Variants in RBFOX1 observed in about 807,000 individuals in gnomAD.
RBFOX1 encodes RNA binding fox-1 homolog 1, also known as RNA binding protein fox-1 homolog 1.
A neutral mutation model predicts 57.7 loss-of-function variants in RBFOX1; 8 were observed. The observed-to-expected ratio is 0.14, with a 90% CI of 0.08 to 0.25. The LOEUF (loss-of-function observed/expected upper bound fraction) is 0.25. Ranked by LOEUF, RBFOX1 falls within the 10% of genes least tolerant of loss-of-function variation. RBFOX1 has a pLI of 1.00. For missense variants in RBFOX1, 611 were observed against 548.5 expected (o/e 1.11, Z -1.14); for synonymous variants, 326 against 222.4 (o/e 1.47, Z -4.15).
At chr16:6,354,022 C>T (rs115108117) in intron 2 of RBFOX1, among the ~76,000 whole-genome samples, 2 of 152,108 alleles carry the variant, frequency 1.3e-5, no homozygotes, top group African/African-American at 4.8e-5. Flanking sequence ...GAGTTGAAGA[C>T]CAGCCTCACC....
chr16:5,370,121 C>G (rs899831075), intron 1 of RBFOX1, among the ~76,000 whole-genome samples: 2 of 152,152 alleles, frequency 1.3e-5, no homozygotes, highest in Admixed American at 6.5e-5. Flanking sequence ...GAAATACCTG[C>G]TCTTGTGCAT....
At chr16:7,451,146 A>T (rs1032000713) in intron 4 of RBFOX1, among the ~76,000 whole-genome samples, 4 of 152,138 alleles carry the variant, frequency 2.6e-5, no homozygotes, top group African/African-American at 9.7e-5. Context: ...GAAAACATCC[A>T]GCTTTCTGGG....
At chr16:7,449,625 C>A (rs1422999115) in intron 4 of RBFOX1, among the ~76,000 whole-genome samples, 1 of 151,184 alleles carries the variant, frequency 6.6e-6, no homozygotes, top group African/African-American at 2.4e-5. Flanking sequence ...CCTGCACATC[C>A]CCAGTGCCTG....
chr16:7,001,416 A>G (rs201455813), intron 3 of RBFOX1, among the ~76,000 whole-genome samples: 94 of 139,592 alleles, frequency 6.7e-4, no homozygotes, highest in Admixed American at 9.6e-4. Flanking sequence ...GTATATGTAT[A>G]TGTATATGTA....
At chr16:6,359,589 T>C (rs1369324577) in intron 2 of RBFOX1, among the ~76,000 whole-genome samples, 1 of 152,180 alleles carries the variant, frequency 6.6e-6, no homozygotes, top group East Asian at 1.9e-4. Context: ...CACTGGTGTA[T>C]GGATACAGGA....
At chr16:5,687,563 C>G (rs1464530431) in intron 3 of RBFOX1, among the ~76,000 whole-genome samples, 1 of 152,156 alleles carries the variant, frequency 6.6e-6, no homozygotes, top group Non-Finnish European at 1.5e-5. Context: ...TAAATAGTAT[C>G]TTAAAGTTTC....
chr16:5,821,829 A>G (rs747084780), intron 3 of RBFOX1, among the ~76,000 whole-genome samples: 4 of 152,264 alleles, frequency 2.6e-5, no homozygotes, highest in South Asian at 2.1e-4. Flanking sequence ...GCATCCTCAC[A>G]TGGTGAAAGG....
chr16:5,534,139 A>C (rs540520163), intron 2 of RBFOX1, among the ~76,000 whole-genome samples: 8 of 152,228 alleles, frequency 5.3e-5, no homozygotes, highest in African/African-American at 1.9e-4. Context: ...CACTGAGCCT[A>C]GTCAGGTGCC....
chr16:7,140,690 G>C (rs922472), intron 4 of RBFOX1, among the ~76,000 whole-genome samples: 36,058 of 152,080 alleles, frequency 0.24, 5,402 homozygotes, highest in East Asian at 0.42. Context: ...GAACCTCTCA[G>C]AGTGATATCC....
intron 3 of RBFOX1, among the ~76,000 whole-genome samples, chr16:5,632,250 T>C (rs911086169): frequency 1.3e-4 from 20 of 152,242 alleles, no homozygotes; most frequent in Non-Finnish European, 2.4e-4. Flanking sequence ...AGCCACAGTC[T>C]GATGAACGAG....
chr16:7,510,444 G>T, intron 4 of RBFOX1: 1 of 733,062 alleles, frequency 1.4e-6, no homozygotes, highest in Non-Finnish European at 1.7e-6. Flanking sequence ...CCCGGGGAAA[G>T]GAGAGGAGTT....
chr16:5,305,268 A>G (rs1288351017), intron 1 of RBFOX1, among the ~76,000 whole-genome samples: 4 of 152,164 alleles, frequency 2.6e-5, no homozygotes, highest in East Asian at 1.9e-4. Context: ...AAGAGAGGTC[A>G]AGTGTTCCTA....
At chr16:5,950,568 T>C (rs771410671) in intron 4 of RBFOX1, among the ~76,000 whole-genome samples, 2 of 152,226 alleles carry the variant, frequency 1.3e-5, no homozygotes, top group African/African-American at 2.4e-5. Flanking sequence ...TTATTTAATG[T>C]GTTACAATCA....
intron 1 of RBFOX1, among the ~76,000 whole-genome samples, chr16:5,413,490 C>T (rs1023136560): frequency 6.6e-6 from 1 of 152,162 alleles, no homozygotes; most frequent in Non-Finnish European, 1.5e-5. Flanking sequence ...CAGTAGCCAC[C>T]ACTCCCGTGT....
chr16:7,645,576 C>T (rs534418116), intron 11 of RBFOX1, among the ~76,000 whole-genome samples: 1 of 152,292 alleles, frequency 6.6e-6, no homozygotes, highest in South Asian at 2.1e-4. Flanking sequence ...ATTTATAGGA[C>T]ATTGCGTTTC....
chr16:6,805,339 T>C (rs544446180), intron 3 of RBFOX1, among the ~76,000 whole-genome samples: 1 of 152,304 alleles, frequency 6.6e-6, no homozygotes, highest in South Asian at 2.1e-4. Flanking sequence ...ATTCAGTGAT[T>C]TGAACACATG....
At chr16:5,953,958 C>A (rs1486783504) in intron 4 of RBFOX1, among the ~76,000 whole-genome samples, 1 of 152,048 alleles carries the variant, frequency 6.6e-6, no homozygotes, top group Non-Finnish European at 1.5e-5. Context: ...ACCGTGGTAC[C>A]CATACCCCCA....
intron 3 of RBFOX1, among the ~76,000 whole-genome samples, chr16:6,937,074 C>G (rs374009634): frequency 2.6e-5 from 4 of 151,570 alleles, no homozygotes; most frequent in East Asian, 1.9e-4. Context: ...CACATGTACC[C>G]TAAAACTTAA....
chr16:6,854,053 G>C (rs979596810), intron 3 of RBFOX1, among the ~76,000 whole-genome samples: 20 of 152,154 alleles, frequency 1.3e-4, no homozygotes, highest in Non-Finnish European at 1.9e-4. Flanking sequence ...TTAAGTCTTT[G>C]TTCCTTCCAG....
Sources: allele counts gnomAD v4.1 joint callset (sites outside exome capture counted in the v4.1 genomes callset), GRCh38; gene constraint gnomAD v4.1.1; transcripts MANE v1.5; gene names NCBI Gene and HGNC (gene_info 2026-07-23, HGNC 2026-07-21).